DEPDC1B: variants seen among roughly 807,000 people sequenced by gnomAD.
DEPDC1B encodes the protein DEP domain-containing protein 1B.
In DEPDC1B, 51 loss-of-function variants were observed where a neutral mutation model predicts 66.5. The ratio of observed to expected loss-of-function variants is 0.77; its 90% CI spans 0.61 to 0.97. The LOEUF (loss-of-function observed/expected upper bound fraction) is 0.97, where lower values mean the gene tolerates loss of function less well. Among genes scored for constraint, DEPDC1B ranks in the 50% least tolerant of loss-of-function variants. DEPDC1B has a pLI of 0.00. For missense variants in DEPDC1B, 552 were observed against 637.1 expected (o/e 0.87, Z 1.44); for synonymous variants, 226 against 223.6 (o/e 1.01, Z -0.10).
chr5:60,673,942 G>C (rs1016232309), intron 2 of DEPDC1B, among the ~76,000 whole-genome samples: 1 of 152,094 alleles, frequency 6.6e-6, no homozygotes, highest in African/African-American at 2.4e-5. Flanking sequence ...TATGCCTCCT[G>C]TTCCATTATT....
At chr5:60,673,960 T>G (rs757010618) in intron 2 of DEPDC1B, among the ~76,000 whole-genome samples, 3 of 152,160 alleles carry the variant, frequency 2.0e-5, no homozygotes, top group Non-Finnish European at 4.4e-5. Context: ...ATTGGAACGC[T>G]AAGCATGTGG....
intron 1 of DEPDC1B, among the ~76,000 whole-genome samples, chr5:60,696,180 C>A (rs1271327073): frequency 6.6e-6 from 1 of 152,146 alleles, no homozygotes; most frequent in Non-Finnish European, 1.5e-5. Context: ...TCAGCATGAG[C>A]TTTCAATTCA....
chr5:60,605,761 T>C lies in DEPDC1B; in HGVS notation c.994A>G (p.Arg332Gly). 1 of 1,613,798 alleles carries C rather than the reference T, an allele frequency of 6.2e-7. No individual in the cohort carries two copies. Among genetic ancestry groups the C allele is most frequent in the Non-Finnish European group, 8.5e-7 (1 of 1,179,810 alleles). The stretch of plus-strand genomic sequence containing the variant: ...TTTAAGCAAATCCTTGCCATCATCC[T>C]CATCAATAGCTGTAACTTTCTCCTA... ...ENRRKLQLLM[R>G]MMARICLNKE... is the part of the protein sequence containing the mutation. Residue 332 changes from arginine to glycine, a missense_variant, in exon 8 of 11, where the codon AGG becomes GGG. Arg to Gly is a moderately radical substitution (Grantham distance 125, BLOSUM62 -2). Coordinates refer to ENST00000265036, the MANE Select transcript of DEPDC1B (RefSeq NM_018369.3).
chr5:60,605,107 T>A (rs1209926123), intron 8 of DEPDC1B, among the ~76,000 whole-genome samples: 1 of 152,158 alleles, frequency 6.6e-6, no homozygotes, highest in African/African-American at 2.4e-5. Context: ...TTTAAAAACA[T>A]ATGCCAATAG....
intron 3 of DEPDC1B, among the ~76,000 whole-genome samples, chr5:60,646,001 A>C (rs539324319): frequency 6.6e-6 from 1 of 152,356 alleles, no homozygotes; most frequent in South Asian, 2.1e-4. Flanking sequence ...GTACAGACTG[A>C]TTATTGAAAA....
chr5:60,664,315 G>A lies in DEPDC1B; in HGVS notation c.315-16782C>T, dbSNP rs1753788645. 2.0e-5 allele frequency among the ~76,000 whole-genome samples: 3 copies of A among 152,232 alleles called. No homozygotes were observed. In the South Asian group the frequency reaches 6.2e-4, roughly 31 times the overall value. On this transcript the variant is annotated intron_variant, in intron 2 of 10. Coordinates refer to ENST00000265036, the MANE Select transcript of DEPDC1B (RefSeq NM_018369.3). ...TCATTGTTTACAGGTAGTGGCAGCA[G>A]TAGCAGTCTTAGTATCTAAAGCAGT...
At chr5:60,693,430 C>T (rs1047353806) in intron 1 of DEPDC1B, among the ~76,000 whole-genome samples, 8 of 152,152 alleles carry the variant, frequency 5.3e-5, no homozygotes, top group African/African-American at 1.9e-4. Context: ...TCTACCTATC[C>T]ACCCACTTTA....
intron 2 of DEPDC1B, among the ~76,000 whole-genome samples, chr5:60,684,014 A>C (rs1336317004): frequency 1.3e-5 from 2 of 152,130 alleles, no homozygotes; most frequent in Non-Finnish European, 2.9e-5. Flanking sequence ...AGCTACAAAA[A>C]AAAAATACCT....
intron 7 of DEPDC1B, among the ~76,000 whole-genome samples, chr5:60,621,359 C>A (rs181083258): frequency 0.019 from 2,839 of 151,312 alleles, 107 homozygotes; most frequent in African/African-American, 0.066. Flanking sequence ...GAATACTATG[C>A]AGCCATAAAA....
intron 2 of DEPDC1B, among the ~76,000 whole-genome samples, chr5:60,662,118 G>A (rs962854862): frequency 4.6e-5 from 7 of 152,110 alleles, no homozygotes; most frequent in African/African-American, 1.7e-4. Flanking sequence ...GCCGGGCATG[G>A]TGATTCACGC....
At chr5:60,621,179 T>C (rs1027619047) in intron 7 of DEPDC1B, among the ~76,000 whole-genome samples, 38 of 151,118 alleles carry the variant, frequency 2.5e-4, no homozygotes, top group African/African-American at 8.7e-4. Flanking sequence ...AGGAGATATA[T>C]CTAATGTTAA....
chr5:60,695,325 G>A (rs942283487), intron 1 of DEPDC1B, among the ~76,000 whole-genome samples: 2 of 152,172 alleles, frequency 1.3e-5, no homozygotes, highest in Admixed American at 1.3e-4. Context: ...AAGGCAGAAG[G>A]TGAAGCGGAA....
chr5:60,618,832 CA>C (rs1249953006), intron 7 of DEPDC1B, among the ~76,000 whole-genome samples: 2 of 151,846 alleles, frequency 1.3e-5, no homozygotes, highest in Non-Finnish European at 2.9e-5. Flanking sequence ...AGAGACACAA[CA>C]AAAAAAGAGA....
Position 60,597,635 on chromosome 5 carries a change from A to AT in DEPDC1B, c.*117dup, listed in dbSNP as rs1752122155. 20 of 1,123,998 alleles carry AT rather than the reference A, an allele frequency of 1.8e-5. No individual in the cohort carries two copies. The South Asian group carries it at 3.1e-4, about 17-fold the overall frequency. 69.6% of individuals were successfully genotyped at this position (1,123,998 alleles called of 1,614,324 possible). A position where few individuals can be genotyped will look rare whatever the true frequency, so the allele number is the denominator to read the frequency against. Reference sequence around the variant, plus strand: ...AAAAACTAAGGCAATCTTTATCTATATTTCAGTAGTCTTTGTTTTATGCTT... The same window carrying AT: ...AAAAACTAAGGCAATCTTTATCTATATTTTCAGTAGTCTTTGTTTTATGCTT... On this transcript the variant is annotated 3_prime_UTR_variant, in exon 11 of 11. Transcript: ENST00000265036.
intron 7 of DEPDC1B, among the ~76,000 whole-genome samples, chr5:60,627,654 T>C (rs191338712): frequency 4.3e-4 from 66 of 152,272 alleles, no homozygotes; most frequent in African/African-American, 1.6e-3. Flanking sequence ...AATGATATAA[T>C]AGTGCTTTCT....
At chr5:60,660,706 C>T (rs1010818734) in intron 2 of DEPDC1B, among the ~76,000 whole-genome samples, 3 of 152,222 alleles carry the variant, frequency 2.0e-5, no homozygotes, top group East Asian at 1.9e-4. Flanking sequence ...AGCTTACTAA[C>T]TCAAAAATCT....
intron 2 of DEPDC1B, among the ~76,000 whole-genome samples, chr5:60,678,147 A>G (rs1223393326): frequency 6.6e-6 from 1 of 151,926 alleles, no homozygotes; most frequent in Non-Finnish European, 1.5e-5. Context: ...TTTTTGGTGT[A>G]TAGCCCTATC....
intron 2 of DEPDC1B, among the ~76,000 whole-genome samples, chr5:60,678,711 T>C (rs1242446969): frequency 6.6e-6 from 1 of 152,240 alleles, no homozygotes; most frequent in East Asian, 1.9e-4. Flanking sequence ...TGATATGTCT[T>C]TTCAAGTCTT....
At chr5:60,619,684 G>A (rs1198686276) in intron 7 of DEPDC1B, among the ~76,000 whole-genome samples, 2 of 152,194 alleles carry the variant, frequency 1.3e-5, no homozygotes, top group Non-Finnish European at 2.9e-5. Context: ...TGGGTAGGAA[G>A]AATCAATATT....
Sources: gnomAD v4.1 joint callset for allele counts (sites outside exome capture counted in the v4.1 genomes callset) on GRCh38, gnomAD v4.1.1 for gene constraint, MANE v1.5 for transcripts, NCBI Gene and HGNC (gene_info 2026-07-23, HGNC 2026-07-21) for gene names.